Variants in UBR3 observed in about 807,000 individuals in gnomAD.
The protein encoded by UBR3 is ubiquitin protein ligase E3 component n-recognin 3.
UBR3 carries 85 observed loss-of-function variants against 243.2 expected under a neutral mutation model. The ratio of observed to expected loss-of-function variants is 0.35; its 90% CI spans 0.29 to 0.42. UBR3 has a LOEUF of 0.42. Among genes scored for constraint, UBR3 ranks in the 10% least tolerant of loss-of-function variants. The probability of loss-of-function intolerance (pLI) is 1.00; values close to 1 mark genes in which losing one functional copy is unlikely to be tolerated. For synonymous variants in UBR3, 748 were observed against 799.8 expected, an observed-to-expected ratio of 0.94 and a Z score of 1.09; for missense variants, 1,686 against 2,300.8, an observed-to-expected ratio of 0.73 and a Z score of 5.47.
At chr2:169,893,855 C>T (rs958090869) in intron 6 of UBR3, among the ~76,000 whole-genome samples, 9 of 152,008 alleles carry the variant, frequency 5.9e-5, no homozygotes, top group East Asian at 1.9e-4. Flanking sequence ...GCCACTGTGC[C>T]GAGCCTATAT....
chr2:169,857,426 A>T (rs1359110728), intron 1 of UBR3, among the ~76,000 whole-genome samples: 1 of 150,016 alleles, frequency 6.7e-6, no homozygotes, highest in African/African-American at 2.5e-5. Flanking sequence ...TTATTTATTT[A>T]TTTTTTTGAG....
intron 5 of UBR3, among the ~76,000 whole-genome samples, chr2:169,889,559 A>G (rs1258135049): frequency 6.6e-6 from 1 of 152,022 alleles, no homozygotes; most frequent in African/African-American, 2.4e-5. Context: ...AAGGCTTCAT[A>G]TTTCTTTCTG....
intron 3 of UBR3, 135 bp downstream of exon 3, chr2:169,876,084 C>CTTTTT: frequency 2.4e-6 from 1 of 418,094 alleles, no homozygotes; most frequent in South Asian, 5.6e-5. Flanking sequence ...AAGAGAACTT[C>CTTTTT]TTTTTTTTTT....
intron 3 of UBR3, among the ~76,000 whole-genome samples, chr2:169,876,323 G>A (rs62170276): frequency 0.057 from 8,602 of 151,990 alleles, 289 homozygotes; most frequent in Non-Finnish European, 0.084. Context: ...CTCATGATCC[G>A]CCCGCCTTGG....
chr2:169,926,495 A>G (rs578223491), intron 14 of UBR3, among the ~76,000 whole-genome samples, 197 bp from the exon 15 acceptor site: 1 of 152,140 alleles, frequency 6.6e-6, no homozygotes, highest in East Asian at 1.9e-4. Context: ...AGACTGGGGG[A>G]TGAGAATTGC....
intron 24 of UBR3, 116 bp from the exon 25 acceptor site, chr2:169,986,529 T>C (rs1415028159): frequency 1.4e-5 from 13 of 899,008 alleles, no homozygotes; most frequent in Non-Finnish European, 2.0e-5. Context: ...TTTATTACTG[T>C]ATACTTTATT....
At chr2:169,861,750 C>T (rs1408698937) in intron 1 of UBR3, among the ~76,000 whole-genome samples, 1 of 151,994 alleles carries the variant, frequency 6.6e-6, no homozygotes, top group Non-Finnish European at 1.5e-5. Context: ...CTGGTGGCTT[C>T]TAGATTTTGT....
intron 35 of UBR3, among the ~76,000 whole-genome samples, chr2:170,068,424 T>G (rs2091625194): frequency 6.6e-6 from 1 of 152,034 alleles, no homozygotes; most frequent in African/African-American, 2.4e-5. Context: ...GCCGAGATTG[T>G]GCCACTACAC....
rs770344042 is a variant in UBR3 at position 170,073,470 on chromosome 2, C to T, written c.5062C>T (p.Leu1688=). ...FSVLASCLGL[L]PTFYQTEHPF... is the part of the protein sequence containing the mutation. The stretch of plus-strand genomic sequence containing the variant: ...AGTTCTTGCCAGCTGCCTGGGACTT[C>T]TGCCAACGTTTTACCAAACAGAACA... The change falls in exon 36 of 39, where the codon CTG becomes TTG. Residue 1688 remains leucine (L), a synonymous_variant. Transcript: ENST00000272793. 1 of 1,613,710 alleles carries T rather than the reference C, an allele frequency of 6.2e-7. No homozygotes were observed. The highest frequency in any genetic ancestry group is 1.1e-5 in the South Asian group (1 of 91,038).
At position 170,051,427 on chromosome 2, in the gene UBR3, C is replaced by T. The variant is rs375257084; in HGVS notation, c.4661-4033C>T. 5.3e-5 allele frequency among the ~76,000 whole-genome samples: 8 copies of T among 152,286 alleles called. No individual in the cohort carries two copies. In the East Asian group the frequency reaches 5.8e-4, roughly 11 times the overall value. On this transcript the variant is annotated intron_variant, in intron 32 of 38. Coordinates refer to ENST00000272793, the MANE Select transcript of UBR3 (RefSeq NM_172070.4). ...GGCACCATTATCAGCTCACTGCAAA[C>T]GCCATCTCTTGGGTTCAAGTGATTT...
Position 170,066,993 on chromosome 2 carries a change from T to TAATAATAATAATAATAATAATAAAAAA in UBR3, c.5019+5552_5019+5553insTAATAATAATAATAATAATAAAAAAAA, listed in dbSNP as rs71006067. ...ATAATAATAATAATAATAATAATAA[T>TAATAATAATAATAATAATAATAAAAAA]AAACTTCATTATAACTGAGAGGTAG... On this transcript the variant is annotated intron_variant, in intron 35 of 38. Transcript: ENST00000272793. 1.5e-3 allele frequency among the ~76,000 whole-genome samples: 215 copies of TAATAATAATAATAATAATAATAAAAAA among 144,270 alleles called. 1 individual carries two copies. Among genetic ancestry groups the TAATAATAATAATAATAATAATAAAAAA allele is most frequent in the South Asian group, 6.2e-3 (28 of 4,544 alleles). 94.6% of individuals were successfully genotyped at this position (144,270 alleles called of 152,430 possible). A position where few individuals can be genotyped will look rare whatever the true frequency, so the allele number is the denominator to read the frequency against.
At chr2:169,856,092 G>C (rs1473923579) in intron 1 of UBR3, among the ~76,000 whole-genome samples, 2 of 150,326 alleles carry the variant, frequency 1.3e-5, no homozygotes, top group Non-Finnish European at 3.0e-5. Flanking sequence ...GCTGCCGGGC[G>C]GAGGGGCTCC....
chr2:170,003,453 C>A (rs999936167), intron 27 of UBR3, among the ~76,000 whole-genome samples: 1 of 105,500 alleles, frequency 9.5e-6, no homozygotes, highest in Non-Finnish European at 1.9e-5. Context: ...TTTTCATATC[C>A]CTGTATTCAA....
chr2:169,959,755 C>A (rs541380309), intron 24 of UBR3, among the ~76,000 whole-genome samples: 1 of 151,936 alleles, frequency 6.6e-6, no homozygotes, highest in African/African-American at 2.4e-5. Flanking sequence ...GTACAGTACC[C>A]GGTCTGAGGC....
At chr2:170,011,630 T>TC (rs1258666741) in intron 29 of UBR3, among the ~76,000 whole-genome samples, 171 of 150,864 alleles carry the variant, frequency 1.1e-3, no homozygotes, top group African/African-American at 4.0e-3. Context: ...GCTTTTCTTT[T>TC]TTTTTTTTTT....
chr2:169,963,694 T>G (rs1395276792), intron 24 of UBR3, among the ~76,000 whole-genome samples: 2 of 152,196 alleles, frequency 1.3e-5, no homozygotes, highest in African/African-American at 4.8e-5. Context: ...AATATATTTT[T>G]ACTACCAGAT....
At chr2:169,950,159 T>A in intron 23 of UBR3, 94 bp downstream of exon 23, 1 of 1,163,178 alleles carries the variant, frequency 8.6e-7, no homozygotes, top group Non-Finnish European at 1.2e-6. Flanking sequence ...CCTGGATGTT[T>A]AACAGGAACA....
chr2:169,962,243 A>T (rs2087610100), intron 24 of UBR3, among the ~76,000 whole-genome samples: 1 of 151,538 alleles, frequency 6.6e-6, no homozygotes, highest in Non-Finnish European at 1.5e-5. Context: ...TTTTTTTCTT[A>T]AAAATTTTTT....
chr2:169,840,191 A>T (rs894322205), intron 1 of UBR3, among the ~76,000 whole-genome samples: 2 of 152,122 alleles, frequency 1.3e-5, no homozygotes, highest in African/African-American at 4.8e-5. Flanking sequence ...CCACTGTTTT[A>T]CTGGGGCCCA....
Sources: gnomAD v4.1 joint callset for allele counts (sites outside exome capture counted in the v4.1 genomes callset) on GRCh38, gnomAD v4.1.1 for gene constraint, MANE v1.5 for transcripts, NCBI Gene and HGNC (gene_info 2026-07-23, HGNC 2026-07-21) for gene names.